Variants in CTNNA2 observed in about 807,000 individuals in gnomAD.
CTNNA2 encodes catenin alpha 2.
CTNNA2 carries 42 observed loss-of-function variants against 101.0 expected under a neutral mutation model. That is an observed-to-expected ratio of 0.42 (90% CI 0.32 to 0.54). CTNNA2 has a LOEUF of 0.54. CTNNA2 is among the 20% of genes least tolerant of loss of function. The pLI is 0.14. For synonymous variants in CTNNA2, 450 were observed against 456.4 expected, an observed-to-expected ratio of 0.99 and a Z score of 0.18; for missense variants, 871 against 1,223.1, an observed-to-expected ratio of 0.71 and a Z score of 4.29.
intron 1 of CTNNA2, among the ~76,000 whole-genome samples, chr2:79,606,140 A>C (rs557331179): frequency 6.6e-6 from 1 of 152,352 alleles, no homozygotes; most frequent in African/African-American, 2.4e-5. Context: ...TATATATTTT[A>C]TGATGAAGAA....
At chr2:79,951,274 C>A (rs1004368129) in intron 7 of CTNNA2, among the ~76,000 whole-genome samples, 1 of 152,308 alleles carries the variant, frequency 6.6e-6, no homozygotes, top group East Asian at 1.9e-4. Flanking sequence ...AACATATACA[C>A]AGCCACCCCG....
At chr2:79,296,060 A>G (rs998618546) in intron 2 of CTNNA2, among the ~76,000 whole-genome samples, 2 of 152,098 alleles carry the variant, frequency 1.3e-5, no homozygotes, top group African/African-American at 2.4e-5. Flanking sequence ...TAAATAGTAA[A>G]TAGTAGGGCT....
intron 4 of CTNNA2, among the ~76,000 whole-genome samples, chr2:79,866,162 T>C (rs1238000349): frequency 1.3e-5 from 2 of 152,236 alleles, no homozygotes; most frequent in African/African-American, 2.4e-5. Flanking sequence ...TGGTACAGGC[T>C]ATTTTGAACA....
At chr2:80,575,429 G>A (rs1694956196) in intron 13 of CTNNA2, 1 of 152,120 alleles carries the variant, frequency 6.6e-6, no homozygotes, top group East Asian at 1.9e-4. Flanking sequence ...CTGGGTGTGT[G>A]TGCGTGTATG....
At chr2:80,635,583 G>T (rs561661440) in intron 18 of CTNNA2, among the ~76,000 whole-genome samples, 53 of 152,252 alleles carry the variant, frequency 3.5e-4, no homozygotes, top group Non-Finnish European at 5.4e-4. Flanking sequence ...TATGAATTAT[G>T]TGAGGAGAAA....
At chr2:80,300,284 GTGTGTGT>G (rs1558981548) in intron 7 of CTNNA2, among the ~76,000 whole-genome samples, 342 of 12,082 alleles carry the variant, frequency 0.028, no homozygotes, top group Admixed American at 0.045. Flanking sequence ...GTGTTGGGGT[GTGTGTGT>G]GTGTGTGTGT....
At chr2:80,017,607 C>T (rs1013980761) in intron 7 of CTNNA2, among the ~76,000 whole-genome samples, 1 of 151,886 alleles carries the variant, frequency 6.6e-6, no homozygotes, top group South Asian at 2.1e-4. Flanking sequence ...TAATTGATCT[C>T]GGATTTGGCC....
chr2:79,773,522 C>G (rs552995230), intron 3 of CTNNA2, among the ~76,000 whole-genome samples: 1 of 152,106 alleles, frequency 6.6e-6, no homozygotes, highest in Non-Finnish European at 1.5e-5. Flanking sequence ...TTCTGATAAG[C>G]CTTTCCAAAG....
intron 3 of CTNNA2, among the ~76,000 whole-genome samples, chr2:79,792,021 T>A (rs1675311211): frequency 6.6e-6 from 1 of 152,242 alleles, no homozygotes; most frequent in Admixed American, 6.5e-5. Context: ...TATGACATTT[T>A]TATACAATGC....
intron 4 of CTNNA2, among the ~76,000 whole-genome samples, chr2:79,865,109 T>A (rs1449771538): frequency 2.0e-5 from 3 of 152,186 alleles, no homozygotes; most frequent in Non-Finnish European, 4.4e-5. Flanking sequence ...ATAACACACA[T>A]TGATGCGCTT....
intron 4 of CTNNA2, among the ~76,000 whole-genome samples, chr2:79,489,397 T>A (rs969373364): frequency 8.5e-5 from 13 of 152,174 alleles, no homozygotes; most frequent in African/African-American, 2.9e-4. Flanking sequence ...ATTTCAGCCA[T>A]CCTTCCTCCC....
intron 7 of CTNNA2, among the ~76,000 whole-genome samples, chr2:80,306,752 G>A (rs1053148335): frequency 5.3e-5 from 8 of 151,848 alleles, no homozygotes; most frequent in African/African-American, 1.9e-4. Flanking sequence ...CAGCCATTCA[G>A]CGAGTACTGT....
rs1267320434 is a variant in CTNNA2 at position 79,588,380 on chromosome 2, A to G, written c.-5-63172A>G. On this transcript the variant is annotated intron_variant, in intron 1 of 18. Transcript: ENST00000402739. ...CTTCATACCACTAATTTACTGTAAG[A>G]ACAGTTATTTGTTGTAATAATCTTT... is the stretch of plus-strand genomic sequence containing the variant. 3.3e-5 allele frequency among the ~76,000 whole-genome samples: 5 copies of G among 152,186 alleles called. No homozygotes were observed. In the East Asian group the frequency reaches 9.6e-4, roughly 29 times the overall value.
chr2:80,342,681 A>C (rs1672349576), intron 7 of CTNNA2, among the ~76,000 whole-genome samples: 1 of 152,186 alleles, frequency 6.6e-6, no homozygotes, highest in African/African-American at 2.4e-5. Flanking sequence ...TTATGAAAAA[A>C]AATGCAGAGT....
At chr2:80,339,090 T>G (rs1448847979) in intron 7 of CTNNA2, among the ~76,000 whole-genome samples, 2 of 152,138 alleles carry the variant, frequency 1.3e-5, no homozygotes, top group Non-Finnish European at 2.9e-5. Context: ...CATGGAAGTG[T>G]GTATATAGGG....
chr2:79,760,548 C>T (rs1446019361), intron 3 of CTNNA2, among the ~76,000 whole-genome samples: 2 of 152,034 alleles, frequency 1.3e-5, no homozygotes, highest in South Asian at 4.2e-4. Flanking sequence ...TTCAATGAGG[C>T]CCACTCACAT....
At chr2:79,270,701 G>GA (rs530431926) in intron 2 of CTNNA2, among the ~76,000 whole-genome samples, 1 of 151,822 alleles carries the variant, frequency 6.6e-6, no homozygotes, top group African/African-American at 2.4e-5. Flanking sequence ...GTCCCACTCT[G>GA]AAAAAATGCA....
intron 4 of CTNNA2, among the ~76,000 whole-genome samples, chr2:79,378,529 C>T (rs1678003971): frequency 6.6e-6 from 1 of 152,052 alleles, no homozygotes; most frequent in South Asian, 2.1e-4. Flanking sequence ...GTTCATAGTA[C>T]CTAACAACAT....
chr2:80,073,003 A>G (rs889310550), intron 7 of CTNNA2, among the ~76,000 whole-genome samples: 4 of 152,220 alleles, frequency 2.6e-5, no homozygotes, highest in Non-Finnish European at 5.9e-5. Context: ...AAAGGAAAAA[A>G]CTGGTTTTCA....
Sources: allele counts gnomAD v4.1 joint callset (sites outside exome capture counted in the v4.1 genomes callset), GRCh38; gene constraint gnomAD v4.1.1; transcripts MANE v1.5; gene names NCBI Gene and HGNC (gene_info 2026-07-23, HGNC 2026-07-21).